The following NCOR1 variants were observed in gnomAD, a reference collection of about 807,000 sequenced individuals.
NCOR1 encodes the protein nuclear receptor corepressor 1, also known as protein phosphatase 1, regulatory subunit 109.
In NCOR1, 63 loss-of-function variants were observed where a neutral mutation model predicts 288.1. That is an observed-to-expected ratio of 0.22 (90% CI 0.18 to 0.27). The LOEUF is 0.27. Ranked by LOEUF, NCOR1 falls within the 10% of genes least tolerant of loss-of-function variation. NCOR1 has a pLI of 1.00. For missense variants in NCOR1, 2,397 were observed against 3,019.2 expected, an observed-to-expected ratio of 0.79 and a Z score of 4.83; for synonymous variants, 1,007 against 1,065.9, an observed-to-expected ratio of 0.94 and a Z score of 1.08.
chr17:16,116,605 T>C (rs758168215), intron 18 of NCOR1, among the ~76,000 whole-genome samples: 3 of 152,232 alleles, frequency 2.0e-5, no homozygotes, highest in Non-Finnish European at 4.4e-5. Flanking sequence ...TTGTCTGTCA[T>C]TCTTTCAATC....
At chr17:16,144,880 C>T (rs2077650713) in intron 10 of NCOR1, among the ~76,000 whole-genome samples, 1 of 150,334 alleles carries the variant, frequency 6.7e-6, no homozygotes, top group South Asian at 2.1e-4. Flanking sequence ...TCTCCTCCCT[C>T]TCCCCTTCTC....
chr17:16,137,002 G>C (rs1568264901), intron 14 of NCOR1, among the ~76,000 whole-genome samples: 1 of 151,920 alleles, frequency 6.6e-6, no homozygotes, highest in Non-Finnish European at 1.5e-5. Context: ...TGTATTAAAA[G>C]TATTAATGGC....
At chr17:16,193,535 A>AT (rs1354724603) in intron 2 of NCOR1, among the ~76,000 whole-genome samples, 4 of 152,066 alleles carry the variant, frequency 2.6e-5, no homozygotes, top group Non-Finnish European at 4.4e-5. Context: ...GCCCGGCCTG[A>AT]TTTTTTTAAA....
rs753843382 is a variant in NCOR1 at position 16,032,314 on chromosome 17, C to T, written c.7305G>A (p.Leu2435=). The T allele has an allele frequency of 2.0e-5, 33 of 1,613,066 alleles. No individual in the cohort carries two copies. The highest frequency in any genetic ancestry group is 2.7e-5 in the African/African-American group (2 of 74,892). Residue 2435 remains leucine, a synonymous_variant, in exon 46 of 46, where the codon CTG becomes CTA. Coordinates refer to ENST00000268712, the MANE Select transcript of NCOR1 (RefSeq NM_006311.4). ...APLLSAQYET[L]SDSDD ...GTGCAGTTCAGTCATCACTATCCGA[C>T]AGGGTCTCGTACTGTGCTGAGAGCA...
chr17:16,039,931 C>T (rs1005829170), intron 43 of NCOR1: 10 of 417,024 alleles, frequency 2.4e-5, no homozygotes, highest in Non-Finnish European at 4.0e-5. Flanking sequence ...GCTGGGACTA[C>T]AGGCACCCAC....
At chr17:16,035,294 A>G (rs1278762608) in intron 44 of NCOR1, among the ~76,000 whole-genome samples, 1 of 152,202 alleles carries the variant, frequency 6.6e-6, no homozygotes, top group Non-Finnish European at 1.5e-5. Context: ...AGAACTTTCA[A>G]AATTGGAGTT....
At position 16,032,186 on chromosome 17, in the gene NCOR1, G is replaced by T. The variant is rs1972135621; in HGVS notation, c.*110C>A. 1.8e-6 allele frequency: 2 copies of T among 1,096,346 alleles called. No individual in the cohort carries two copies. Among genetic ancestry groups the T allele is most frequent in the African/African-American group, 1.7e-5 (1 of 60,538 alleles). 67.9% of individuals were successfully genotyped at this position (1,096,346 alleles called of 1,614,324 possible). A position where few individuals can be genotyped will look rare whatever the true frequency, so the allele number is the denominator to read the frequency against. On this transcript the variant is annotated 3_prime_UTR_variant, in exon 46 of 46. Coordinates refer to ENST00000268712, the MANE Select transcript of NCOR1 (RefSeq NM_006311.4). ...ATCTGTGGGCTGGCTCTCCTGAAAA[G>T]TCTCAGGGAATAAGTCACAGGAGGG...
At chr17:16,186,764 T>C in intron 2 of NCOR1, 77 bp from the exon 3 acceptor site, 1 of 1,331,908 alleles carries the variant, frequency 7.5e-7, no homozygotes, top group Non-Finnish European at 1.1e-6. Flanking sequence ...AGTATAAAGG[T>C]AGTTATGGGC....
chr17:16,173,975 T>C (rs1480186747), intron 3 of NCOR1, among the ~76,000 whole-genome samples: 3 of 149,610 alleles, frequency 2.0e-5, no homozygotes, highest in African/African-American at 4.9e-5. Context: ...CAAAAGAACA[T>C]AGCTAGGAAT....
chr17:16,204,831 C>T (rs1300294235), intron 1 of NCOR1, among the ~76,000 whole-genome samples: 1 of 152,196 alleles, frequency 6.6e-6, no homozygotes, highest in Non-Finnish European at 1.5e-5. Flanking sequence ...AAATAATGTG[C>T]CCAAGGTCCC....
chr17:16,148,686 A>AAC (rs2078391273), intron 9 of NCOR1, among the ~76,000 whole-genome samples: 1 of 150,222 alleles, frequency 6.7e-6, no homozygotes, highest in Non-Finnish European at 1.5e-5. Flanking sequence ...AAAAAAAAAA[A>AAC]AAAACAACTC....
chr17:16,047,097 T>C lies in NCOR1; in HGVS notation c.6537-4A>G. 1 of 1,610,320 alleles carries C rather than the reference T, an allele frequency of 6.2e-7. No individual in the cohort carries two copies. Among genetic ancestry groups the C allele is most frequent in the South Asian group, 1.1e-5 (1 of 90,388 alleles). ...CCCTGGTGAGCGGGCATCATTCCTGTTAGGGCCAAAGTTAAGTATATTACA... is the reference window on the plus strand; with the variant it reads ...CCCTGGTGAGCGGGCATCATTCCTGCTAGGGCCAAAGTTAAGTATATTACA... On this transcript the variant is annotated splice_region_variant and splice_polypyrimidine_tract_variant and intron_variant, in intron 41 of 45. Transcript: ENST00000268712.
chr17:16,152,081 C>T, intron 7 of NCOR1, 83 bp from the exon 8 acceptor site: 1 of 844,446 alleles, frequency 1.2e-6, no homozygotes, highest in Non-Finnish European at 1.8e-6. Context: ...TTAATGTAAG[C>T]ACAGGTAAAG....
chr17:16,118,068 C>T (rs1268207172), intron 17 of NCOR1, 41 bp from the exon 18 acceptor site: 1 of 1,578,130 alleles, frequency 6.3e-7, no homozygotes, highest in African/African-American at 1.4e-5. Flanking sequence ...TGAACAGTCA[C>T]CTGATCAAGC....
chr17:16,065,480 C>CA lies in NCOR1; in HGVS notation c.4951+4dup. On this transcript the variant is annotated splice_donor_region_variant and intron_variant, in intron 33 of 45. Coordinates refer to ENST00000268712, the MANE Select transcript of NCOR1 (RefSeq NM_006311.4). ...CTACGAAATCTGAAATGCAAAGACA[C>CA]ACACCTCTCGTTGCTGGGTATGGGA... The CA allele has an allele frequency of 6.2e-7, 1 of 1,614,060 alleles. No individual in the cohort carries two copies. The highest frequency in any genetic ancestry group is 1.1e-5 in the South Asian group (1 of 91,076).
intron 45 of NCOR1, 54 bp from the exon 46 acceptor site, chr17:16,032,537 C>T: frequency 6.7e-7 from 1 of 1,488,688 alleles, no homozygotes. Context: ...GGTATTTCAT[C>T]CAATCCAACT....
Position 16,070,507 on chromosome 17 carries a change from C to A in NCOR1, c.4171G>T (p.Asp1391Tyr). ...SISQGTPIKFDNNSGQSAIKH... is the reference protein window; with the variant it reads ...SISQGTPIKFYNNSGQSAIKH... Reference sequence around the variant, plus strand: ...ATGGCAGATTGACCTGAGTTGTTGTCAAACTTTATTGGTGTGCCCTAAAGG... The same window carrying A: ...ATGGCAGATTGACCTGAGTTGTTGTAAAACTTTATTGGTGTGCCCTAAAGG... Residue 1391 changes from aspartate to tyrosine, a missense_variant, in exon 31 of 46, where the codon GAC (aspartate) becomes TAC (tyrosine). Around this residue, in one of 11 missense-constraint regions of NCOR1, gnomAD observed 1,872 missense variants for 2,187.8 expected, o/e 0.86. Coordinates refer to ENST00000268712, the MANE Select transcript of NCOR1 (RefSeq NM_006311.4). The A allele has an allele frequency of 6.2e-7, 1 of 1,613,870 alleles. No individual in the cohort carries two copies. The highest frequency in any genetic ancestry group is 1.1e-5 in the South Asian group (1 of 90,990).
At chr17:16,068,163 G>A (rs367844263) in intron 31 of NCOR1, 42 bp from the exon 32 acceptor site, 2 of 1,418,930 alleles carry the variant, frequency 1.4e-6, no homozygotes, top group Non-Finnish European at 2.0e-6. Flanking sequence ...TAAGAAACTT[G>A]CAAGTATGAT....
At chr17:16,067,264 T>C (rs978301387) in intron 32 of NCOR1, among the ~76,000 whole-genome samples, 1 of 152,250 alleles carries the variant, frequency 6.6e-6, no homozygotes, top group Non-Finnish European at 1.5e-5. Context: ...TTACTAGAAT[T>C]ATGTAACTTA....
Sources: gnomAD v4.1 joint callset for allele counts (sites outside exome capture counted in the v4.1 genomes callset) on GRCh38, gnomAD v4.1.1 for gene constraint, gnomAD v4.1.1 regional missense constraint, MANE v1.5 for transcripts, NCBI Gene and HGNC (gene_info 2026-07-23, HGNC 2026-07-21) for gene names.